The following NEGR1 variants were observed in gnomAD, a reference collection of about 807,000 sequenced individuals.
The protein encoded by NEGR1 is neuronal growth regulator 1.
In NEGR1, 10 loss-of-function variants were observed where a neutral mutation model predicts 40.9. The ratio of observed to expected loss-of-function variants is 0.24; its 90% CI spans 0.15 to 0.42. NEGR1 has a LOEUF of 0.42. Ranked by LOEUF, NEGR1 falls within the 10% of genes least tolerant of loss-of-function variation. The pLI is 1.00. For missense variants in NEGR1, 352 were observed against 438.9 expected, an observed-to-expected ratio of 0.80 and a Z score of 1.77; for synonymous variants, 185 against 166.8, an observed-to-expected ratio of 1.11 and a Z score of -0.84.
At chr1:72,233,925 T>C (rs1231560849) in intron 1 of NEGR1, among the ~76,000 whole-genome samples, 1 of 152,134 alleles carries the variant, frequency 6.6e-6, no homozygotes, top group African/African-American at 2.4e-5. Flanking sequence ...TGTATAAGCT[T>C]TCCCTTTTCT....
At chr1:72,222,621 C>T (rs1241591659) in intron 1 of NEGR1, among the ~76,000 whole-genome samples, 3 of 152,084 alleles carry the variant, frequency 2.0e-5, no homozygotes, top group Non-Finnish European at 4.4e-5. Context: ...GGTTCTCTAT[C>T]CTTACACCTG....
Position 71,702,449 on chromosome 1 carries a change from G to T in NEGR1, c.536-4310C>A, listed in dbSNP as rs188523875. The stretch of plus-strand genomic sequence containing the variant: ...ATGCCAGAACAGTAATTTCATAGGA[G>T]TAGGTAGAAGTGACTCTGGAGCTAT... On this transcript the variant is annotated intron_variant, in intron 3 of 6. Transcript: ENST00000357731. 3.9e-5 allele frequency among the ~76,000 whole-genome samples: 6 copies of T among 152,092 alleles called. No individual in the cohort carries two copies. In the East Asian group the frequency reaches 1.2e-3, roughly 29 times the overall value.
Position 71,597,419 on chromosome 1 carries a change from T to TATAG in NEGR1, c.789-4452_789-4451insCTAT, listed in dbSNP as rs1230373300. Among the ~76,000 whole-genome samples the TATAG allele has an allele frequency of 8.3e-5, 11 of 132,946 alleles. No homozygotes were observed. The East Asian group carries it at 1.9e-3, about 23-fold the overall frequency. The allele number at this position is 132,946 out of a possible 152,430, so 87.2% of individuals were successfully genotyped here. A position where few individuals can be genotyped will look rare whatever the true frequency, so the allele number is the denominator to read the frequency against. Reference sequence around the variant, plus strand: ...TCAAGGATGGAGTTTTATTTATATATATATATATATATGTCTCTCTCTCTC... The same window carrying TATAG: ...TCAAGGATGGAGTTTTATTTATATATATAGATATATATATATGTCTCTCTCTCTC... On this transcript the variant is annotated intron_variant, in intron 5 of 6. Transcript: ENST00000357731.
chr1:72,035,044 A>G (rs1443115272), intron 1 of NEGR1, among the ~76,000 whole-genome samples: 1 of 152,110 alleles, frequency 6.6e-6, no homozygotes, highest in Non-Finnish European at 1.5e-5. Flanking sequence ...CACGCCTGGT[A>G]GAGGCCACAT....
At chr1:71,675,598 A>C (rs1472900182) in intron 4 of NEGR1, among the ~76,000 whole-genome samples, 1 of 151,796 alleles carries the variant, frequency 6.6e-6, no homozygotes, top group African/African-American at 2.4e-5. Flanking sequence ...ATGAGGAAAA[A>C]TCTGTTCTTG....
intron 2 of NEGR1, among the ~76,000 whole-genome samples, chr1:71,917,562 G>C (rs142063767): frequency 2.8e-4 from 43 of 151,704 alleles, no homozygotes; most frequent in African/African-American, 1.0e-3. Context: ...AGGCGGAGGC[G>C]GGCGGATCAC....
intron 4 of NEGR1, among the ~76,000 whole-genome samples, chr1:71,686,306 A>C (rs1280564615): frequency 6.6e-6 from 1 of 152,114 alleles, no homozygotes; most frequent in Non-Finnish European, 1.5e-5. Flanking sequence ...CAACAAAAAA[A>C]GTTTGGTTCC....
At chr1:72,273,523 A>C (rs1400789563) in intron 1 of NEGR1, among the ~76,000 whole-genome samples, 1 of 151,942 alleles carries the variant, frequency 6.6e-6, no homozygotes, top group Non-Finnish European at 1.5e-5. Context: ...CAACTAGGTC[A>C]TTGCACTTCA....
chr1:71,875,789 C>T (rs1303870163), intron 2 of NEGR1, among the ~76,000 whole-genome samples: 3 of 152,074 alleles, frequency 2.0e-5, no homozygotes, highest in Admixed American at 6.6e-5. Context: ...CTCAAATATC[C>T]AAGCTAACTA....
At chr1:71,703,882 A>G (rs1435587807) in intron 3 of NEGR1, among the ~76,000 whole-genome samples, 3 of 151,966 alleles carry the variant, frequency 2.0e-5, no homozygotes, top group Non-Finnish European at 2.9e-5. Context: ...AAAATATATT[A>G]AGAAATAAAG....
intron 2 of NEGR1, among the ~76,000 whole-genome samples, chr1:71,899,015 T>TATATATA (rs1661070621): frequency 8.5e-5 from 10 of 117,080 alleles, no homozygotes; most frequent in Admixed American, 1.8e-4. Flanking sequence ...TATATATATA[T>TATATATA]GGCAACTAAT....
chr1:72,277,786 A>G (rs902565542), intron 1 of NEGR1, among the ~76,000 whole-genome samples: 1 of 152,130 alleles, frequency 6.6e-6, no homozygotes, highest in African/African-American at 2.4e-5. Flanking sequence ...AATTGAAAAT[A>G]TCGGTAAAGT....
At chr1:72,079,255 G>C (rs959866673) in intron 1 of NEGR1, among the ~76,000 whole-genome samples, 1 of 151,668 alleles carries the variant, frequency 6.6e-6, no homozygotes, top group African/African-American at 2.4e-5. Flanking sequence ...CATGAGTTCT[G>C]AGTGACATAT....
chr1:71,938,478 T>C (rs1645930569), intron 1 of NEGR1, among the ~76,000 whole-genome samples: 2 of 150,770 alleles, frequency 1.3e-5, no homozygotes, highest in African/African-American at 2.4e-5. Flanking sequence ...CTTCTTCCTC[T>C]GTACCTCCTT....
At chr1:71,828,453 T>G (rs1226660673) in intron 2 of NEGR1, among the ~76,000 whole-genome samples, 1 of 151,966 alleles carries the variant, frequency 6.6e-6, no homozygotes, top group African/African-American at 2.4e-5. Flanking sequence ...CACACCCTGT[T>G]GTTGCTATAT....
intron 4 of NEGR1, among the ~76,000 whole-genome samples, chr1:71,688,538 A>C (rs1357206457): frequency 6.8e-6 from 1 of 146,318 alleles, no homozygotes; most frequent in Non-Finnish European, 1.5e-5. Flanking sequence ...GGCTCACTGC[A>C]ACCTCTCCCT....
intron 6 of NEGR1, among the ~76,000 whole-genome samples, chr1:71,566,293 G>C (rs1025150883): frequency 6.6e-6 from 1 of 151,942 alleles, no homozygotes; most frequent in African/African-American, 2.4e-5. Flanking sequence ...AATGTATTTA[G>C]TCATGAGAAA....
At chr1:72,183,415 T>C (rs1462863426) in intron 1 of NEGR1, among the ~76,000 whole-genome samples, 1 of 152,136 alleles carries the variant, frequency 6.6e-6, no homozygotes, top group East Asian at 1.9e-4. Flanking sequence ...TTGAAGGTTT[T>C]CTTCAATCCT....
chr1:71,710,351 T>C (rs1654037419), intron 3 of NEGR1, among the ~76,000 whole-genome samples: 1 of 152,194 alleles, frequency 6.6e-6, no homozygotes, highest in Non-Finnish European at 1.5e-5. Context: ...AGCTACCATA[T>C]GATGCAGCAA....
Sources: allele counts gnomAD v4.1 joint callset (sites outside exome capture counted in the v4.1 genomes callset), GRCh38; gene constraint gnomAD v4.1.1; transcripts MANE v1.5; gene names NCBI Gene and HGNC (gene_info 2026-07-23, HGNC 2026-07-21).